NEGR1: variants seen among roughly 807,000 people sequenced by gnomAD.
NEGR1 encodes neuronal growth regulator 1.
A neutral mutation model predicts 40.9 loss-of-function variants in NEGR1; 10 were observed. That is an observed-to-expected ratio of 0.24 (90% CI 0.15 to 0.42). The LOEUF is 0.42. Ranked by LOEUF, NEGR1 falls within the 10% of genes least tolerant of loss-of-function variation. The pLI is 1.00. For synonymous variants in NEGR1, 185 were observed against 166.8 expected (o/e 1.11, Z -0.84); for missense variants, 352 against 438.9 (o/e 0.80, Z 1.77).
At chr1:71,442,169 T>G (rs1224618878) in intron 6 of NEGR1, among the ~76,000 whole-genome samples, 1 of 150,652 alleles carries the variant, frequency 6.6e-6, no homozygotes, top group Non-Finnish European at 1.5e-5. Flanking sequence ...TAACTCCACA[T>G]GTTACTTGAA....
In NEGR1 at chr1:72,058,962, C is replaced by T. The variant is rs1379196391; in HGVS notation, c.177-123651G>A. On this transcript the variant is annotated intron_variant, in intron 1 of 6. Coordinates refer to ENST00000357731, the MANE Select transcript of NEGR1 (RefSeq NM_173808.3). ...TTATTTCTATTGTGGGGATTGTAAA[C>T]ATCAGAGGTATCTAATGAAGACTTT... Among the ~76,000 whole-genome samples, 7 of 151,488 alleles carry T rather than the reference C, an allele frequency of 4.6e-5. No homozygotes were observed. The East Asian group carries it at 1.2e-3, about 25-fold the overall frequency.
chr1:71,938,032 T>C (rs1195020046), intron 1 of NEGR1, among the ~76,000 whole-genome samples: 1 of 152,138 alleles, frequency 6.6e-6, no homozygotes. Context: ...AAAGGGATCA[T>C]TTATGTCTCC....
intron 3 of NEGR1, among the ~76,000 whole-genome samples, chr1:71,722,428 G>A (rs1450482269): frequency 6.6e-6 from 1 of 151,776 alleles, no homozygotes; most frequent in Non-Finnish European, 1.5e-5. Flanking sequence ...AATGATATAT[G>A]ATCTCTGTCA....
At chr1:71,446,095 G>A (rs1646580587) in intron 6 of NEGR1, among the ~76,000 whole-genome samples, 1 of 152,194 alleles carries the variant, frequency 6.6e-6, no homozygotes, top group African/African-American at 2.4e-5. Flanking sequence ...TCACATTGCT[G>A]TAGAGAGTTA....
At chr1:71,472,798 A>G (rs1283408266) in intron 6 of NEGR1, among the ~76,000 whole-genome samples, 1 of 152,110 alleles carries the variant, frequency 6.6e-6, no homozygotes, top group African/African-American at 2.4e-5. Flanking sequence ...CATTCAATAA[A>G]GTAAAAAGAA....
At chr1:71,991,885 G>A (rs2768404) in intron 1 of NEGR1, among the ~76,000 whole-genome samples, 74,599 of 151,860 alleles carry the variant, frequency 0.49, 18,820 homozygotes, top group East Asian at 0.67. Flanking sequence ...TCCGCCTCCT[G>A]GGTTCAAGCA....
intron 2 of NEGR1, among the ~76,000 whole-genome samples, chr1:71,855,627 C>T (rs1194019224): frequency 6.6e-6 from 1 of 151,784 alleles, no homozygotes; most frequent in Non-Finnish European, 1.5e-5. Context: ...CCTTACGGTA[C>T]AGTAACCATA....
intron 6 of NEGR1, among the ~76,000 whole-genome samples, chr1:71,545,851 T>C (rs1647878327): frequency 6.6e-6 from 1 of 151,696 alleles, no homozygotes; most frequent in African/African-American, 2.4e-5. Context: ...CATATATTTC[T>C]ATATTTTGGA....
chr1:71,691,742 C>T (rs972451964), intron 4 of NEGR1, among the ~76,000 whole-genome samples: 9 of 151,712 alleles, frequency 5.9e-5, no homozygotes, highest in Non-Finnish European at 1.2e-4. Flanking sequence ...CAATGCTTAA[C>T]CTTCTTTTCT....
At chr1:71,519,830 GGT>G (rs1647142718) in intron 6 of NEGR1, among the ~76,000 whole-genome samples, 1 of 151,714 alleles carries the variant, frequency 6.6e-6, no homozygotes, top group African/African-American at 2.4e-5. Context: ...ATTTTGATAT[GGT>G]ACTTCCAAAC....
At chr1:72,054,086 T>A (rs1315857598) in intron 1 of NEGR1, among the ~76,000 whole-genome samples, 1 of 151,290 alleles carries the variant, frequency 6.6e-6, no homozygotes, top group African/African-American at 2.4e-5. Flanking sequence ...ATAGGTACAT[T>A]AGCTAGAGAA....
intron 1 of NEGR1, among the ~76,000 whole-genome samples, chr1:72,103,614 G>A (rs536751490): frequency 2.1e-4 from 32 of 152,166 alleles, no homozygotes; most frequent in Middle Eastern, 3.4e-3. Flanking sequence ...ATTTAATTTT[G>A]TGTTAAGCTA....
chr1:71,449,406 T>C (rs190563150), intron 6 of NEGR1, among the ~76,000 whole-genome samples: 1 of 152,320 alleles, frequency 6.6e-6, no homozygotes, highest in East Asian at 1.9e-4. Flanking sequence ...GAGCTATTAT[T>C]TGGATAGAGG....
At chr1:71,966,953 G>T (rs1389787997) in intron 1 of NEGR1, among the ~76,000 whole-genome samples, 1 of 152,054 alleles carries the variant, frequency 6.6e-6, no homozygotes, top group African/African-American at 2.4e-5. Flanking sequence ...TTAGAAGAAG[G>T]GTGCAAGTCA....
chr1:71,845,935 T>A (rs1192780416), intron 2 of NEGR1, among the ~76,000 whole-genome samples: 1 of 150,354 alleles, frequency 6.7e-6, no homozygotes, highest in Non-Finnish European at 1.5e-5. Flanking sequence ...TTTTTTTTTT[T>A]TTTTTTTTTA....
chr1:71,765,042 G>A (rs1038835116), intron 3 of NEGR1, among the ~76,000 whole-genome samples: 1 of 151,968 alleles, frequency 6.6e-6, no homozygotes, highest in African/African-American at 2.4e-5. Context: ...AAAAGGGCAT[G>A]GTCACCGGTG....
intron 1 of NEGR1, among the ~76,000 whole-genome samples, chr1:72,255,846 G>A (rs1655256213): frequency 6.6e-6 from 1 of 152,144 alleles, no homozygotes; most frequent in African/African-American, 2.4e-5. Context: ...ACTATGGCCA[G>A]CCAATACATC....
chr1:71,415,333 T>C (rs1408406752), intron 6 of NEGR1, among the ~76,000 whole-genome samples: 1 of 152,122 alleles, frequency 6.6e-6, no homozygotes, highest in Non-Finnish European at 1.5e-5. Flanking sequence ...TTCTGCCAAC[T>C]TATTCTTAGC....
At chr1:72,047,212 G>C (rs1480640671) in intron 1 of NEGR1, among the ~76,000 whole-genome samples, 1 of 150,790 alleles carries the variant, frequency 6.6e-6, no homozygotes, top group Non-Finnish European at 1.5e-5. Context: ...AGCATTTCAA[G>C]CATACAAGGA....
Sources: gnomAD v4.1 joint callset for allele counts (sites outside exome capture counted in the v4.1 genomes callset) on GRCh38, gnomAD v4.1.1 for gene constraint, MANE v1.5 for transcripts, NCBI Gene and HGNC (gene_info 2026-07-23, HGNC 2026-07-21) for gene names.